SULT1E1: variants seen among roughly 807,000 people sequenced by gnomAD.
SULT1E1 encodes the protein sulfotransferase family 1E member 1, also known as sulfotransferase 1E1.
Under a neutral mutation model 33.6 loss-of-function variants are expected in SULT1E1, and 36 were observed. The ratio of observed to expected loss-of-function variants is 1.07; its 90% confidence interval spans 0.82 to 1.41. The LOEUF (loss-of-function observed/expected upper bound fraction) is 1.41. Among genes scored for constraint, SULT1E1 ranks in the 40% most tolerant of loss-of-function variants. The pLI, the probability that SULT1E1 is intolerant of heterozygous loss-of-function variation, is 0.00. For synonymous variants in SULT1E1, 121 were observed against 111.7 expected, an observed-to-expected ratio of 1.08 and a Z score of -0.53; for missense variants, 371 against 345.7, an observed-to-expected ratio of 1.07 and a Z score of -0.58.
At chr4:69,832,722 T>A in the SULT1E1 span, among the ~76,000 whole-genome samples, 1 of 152,180 alleles carries the variant, frequency 6.6e-6, no homozygotes, top group Non-Finnish European at 1.5e-5. Context: ...CTAGACCTGC[T>A]CAGGCACGTC....
intron 7 of SULT1E1, 32 bp downstream of exon 7, chr4:69,844,129 T>C: frequency 1.2e-6 from 2 of 1,608,978 alleles, no homozygotes; most frequent in Non-Finnish European, 1.7e-6. Context: ...TGTGACTTCC[T>C]CTAGTATCGA....
At chr4:69,848,578 A>C (rs1721030230) in intron 5 of SULT1E1, among the ~76,000 whole-genome samples, 1 of 151,854 alleles carries the variant, frequency 6.6e-6, no homozygotes, top group Admixed American at 6.6e-5. Context: ...CTCCCTTTGC[A>C]GTGATGCAAA....
chr4:69,852,070 A>G (rs569204573), intron 4 of SULT1E1, among the ~76,000 whole-genome samples: 6 of 152,220 alleles, frequency 3.9e-5, no homozygotes, highest in Middle Eastern at 3.4e-3. Flanking sequence ...ACATGTATAC[A>G]TATGTAACAA....
chr4:69,841,803 T>G lies in SULT1E1; in HGVS notation c.*191A>C. On this transcript the variant is annotated 3_prime_UTR_variant, in exon 8 of 8. Coordinates refer to ENST00000226444, the MANE Select transcript of SULT1E1 (RefSeq NM_005420.3). ...CTGCAATCAGCCATGATTGTGCCAC[T>G]GTCCTCCAGCCTAGGCAACAGAGTG... is the stretch of plus-strand genomic sequence containing the variant. 1 of 417,482 alleles carries G rather than the reference T, an allele frequency of 2.4e-6. No homozygotes were observed. Among genetic ancestry groups the G allele is most frequent in the East Asian group, 4.7e-5 (1 of 21,168 alleles). The allele number at this position is 417,482 out of a possible 1,614,324, so 25.9% of individuals were successfully genotyped here. A position where few individuals can be genotyped will look rare whatever the true frequency, so the allele number is the denominator to read the frequency against.
the SULT1E1 span, among the ~76,000 whole-genome samples, chr4:69,822,501 G>A: frequency 8.5e-5 from 13 of 152,242 alleles, no homozygotes; most frequent in South Asian, 4.1e-4. Flanking sequence ...CCAGCTACTC[G>A]GGAGACTGAG....
chr4:69,855,836 T>C (rs1264164398), intron 2 of SULT1E1, among the ~76,000 whole-genome samples: 1 of 152,196 alleles, frequency 6.6e-6, no homozygotes, highest in Non-Finnish European at 1.5e-5. Flanking sequence ...AAAGGATAAA[T>C]CTGGTTCCTG....
At chr4:69,828,653 T>G in the SULT1E1 span, among the ~76,000 whole-genome samples, 1 of 152,230 alleles carries the variant, frequency 6.6e-6, no homozygotes, top group African/African-American at 2.4e-5. Flanking sequence ...GAACCAATTC[T>G]GGACACACTA....
intron 4 of SULT1E1, among the ~76,000 whole-genome samples, chr4:69,850,406 T>C (rs1460322868): frequency 3.9e-5 from 6 of 152,068 alleles, no homozygotes; most frequent in Non-Finnish European, 7.4e-5. Flanking sequence ...GTATCCACTG[T>C]TTATGGAATA....
At chr4:69,850,386 A>G (rs1404266593) in intron 4 of SULT1E1, among the ~76,000 whole-genome samples, 4 of 152,070 alleles carry the variant, frequency 2.6e-5, no homozygotes, top group Non-Finnish European at 5.9e-5. Context: ...TCATGAAAGG[A>G]TGCTGTTGAG....
intron 3 of SULT1E1, among the ~76,000 whole-genome samples, 193 bp from the exon 4 acceptor site, chr4:69,854,507 C>A (rs1468154394): frequency 7.2e-5 from 11 of 151,902 alleles, no homozygotes; most frequent in Admixed American, 7.2e-4. Context: ...GCATTGCATG[C>A]CTATATCAAA....
chr4:69,839,574 T>C (rs1466014284), downstream of SULT1E1, among the ~76,000 whole-genome samples: 1 of 152,240 alleles, frequency 6.6e-6, no homozygotes, highest in East Asian at 1.9e-4. Context: ...TGAATTTATC[T>C]GGGCCTGAAG....
At chr4:69,841,046 C>G (rs57331807), downstream of SULT1E1, among the ~76,000 whole-genome samples, 1 of 151,198 alleles carries the variant, frequency 6.6e-6, no homozygotes, top group Non-Finnish European at 1.5e-5. Context: ...AGTGAGACTC[C>G]GTCTCAAAAA....
chr4:69,822,665 G>T, the SULT1E1 span, among the ~76,000 whole-genome samples: 7,107 of 152,060 alleles, frequency 0.047, 558 homozygotes, highest in African/African-American at 0.16. Context: ...ACTTTGTTAT[G>T]GTGTTTACTG....
intron 6 of SULT1E1, among the ~76,000 whole-genome samples, chr4:69,845,093 T>C (rs1720947877): frequency 6.6e-6 from 1 of 152,042 alleles, no homozygotes; most frequent in Admixed American, 6.6e-5. Flanking sequence ...CCCATAATTG[T>C]TTAAATAAAT....
chr4:69,854,064 ACT>A (rs1386007665), intron 4 of SULT1E1, among the ~76,000 whole-genome samples, 151 bp downstream of exon 4: 1 of 152,056 alleles, frequency 6.6e-6, no homozygotes, highest in Non-Finnish European at 1.5e-5. Context: ...TAAAATATAG[ACT>A]CTCTGACAAT....
intron 2 of SULT1E1, among the ~76,000 whole-genome samples, chr4:69,855,696 C>T (rs1721218972): frequency 6.6e-6 from 1 of 152,150 alleles, no homozygotes; most frequent in Non-Finnish European, 1.5e-5. Flanking sequence ...ATTGTGCAAG[C>T]TGCTAACAGT....
the SULT1E1 span, among the ~76,000 whole-genome samples, chr4:69,831,085 T>C: frequency 6.6e-6 from 1 of 152,158 alleles, no homozygotes; most frequent in Admixed American, 6.6e-5. Flanking sequence ...GCTGGGAGCA[T>C]GTACCCACTC....
the SULT1E1 span, among the ~76,000 whole-genome samples, chr4:69,835,540 G>A: frequency 6.6e-6 from 1 of 152,070 alleles, no homozygotes; most frequent in Admixed American, 6.5e-5. Flanking sequence ...GCTATGACTG[G>A]GAATGTAAGG....
Position 69,841,905 on chromosome 4 carries a change from G to T in SULT1E1, c.*89C>A. On this transcript the variant is annotated 3_prime_UTR_variant, in exon 8 of 8. Transcript: ENST00000226444. ...AAATGTCAACATAATCCATGATTAT[G>T]TCTTTTCTAGCAATCTAAAATAAGA... 3.8e-5 allele frequency: 24 copies of T among 634,444 alleles called. No individual in the cohort carries two copies. Among genetic ancestry groups the T allele is most frequent in the East Asian group, 6.8e-5 (2 of 29,388 alleles). The allele number at this position is 634,444 out of a possible 1,614,324, so 39.3% of individuals were successfully genotyped here. A position where few individuals can be genotyped will look rare whatever the true frequency, so the allele number is the denominator to read the frequency against.
Sources: allele counts gnomAD v4.1 joint callset (sites outside exome capture counted in the v4.1 genomes callset), GRCh38; gene constraint gnomAD v4.1.1; transcripts MANE v1.5; gene names NCBI Gene and HGNC (gene_info 2026-07-23, HGNC 2026-07-21).